Variants in PCLO observed in about 807,000 individuals in gnomAD.
PCLO encodes the protein piccolo presynaptic cytomatrix protein.
Under a neutral mutation model 427.5 loss-of-function variants are expected in PCLO, and 82 were observed. The observed-to-expected ratio is 0.19, with a 90% confidence interval of 0.16 to 0.23. The LOEUF (loss-of-function observed/expected upper bound fraction) is 0.23. Among genes scored for constraint, PCLO ranks in the 10% least tolerant of loss-of-function variants. PCLO has a pLI of 1.00. For missense variants in PCLO, 6,239 were observed against 6,115.9 expected (o/e 1.02, Z -0.67); for synonymous variants, 2,357 against 2,155.4 (o/e 1.09, Z -2.59).
At position 82,915,370 on chromosome 7, in the gene PCLO, T is replaced by C; in HGVS notation, c.12616A>G (p.Ile4206Val). 1 of 1,613,448 alleles carries C rather than the reference T, an allele frequency of 6.2e-7. No individual in the cohort carries two copies. The highest frequency in any genetic ancestry group is 1.3e-5 in the African/African-American group (1 of 75,046). Residue 4206 changes from isoleucine to valine, a missense_variant, in exon 7 of 25, where the codon ATT becomes GTT. Transcript: ENST00000333891. ...IDPKMSKFSPIQESRDLEPDY... is the reference protein window; with the variant it reads ...IDPKMSKFSPVQESRDLEPDY... ...GGTTCAAGGTCTCTACTTTCTTGAA[T>C]AGGTGAAAATTTTGACATTTTAGGG...
At chr7:82,914,495 A>G in intron 7 of PCLO, 191 bp downstream of exon 7, 1 of 662,724 alleles carries the variant, frequency 1.5e-6, no homozygotes, top group Non-Finnish European at 2.7e-6. Flanking sequence ...AGTAAAACTA[A>G]ATAAAGAAAA....
chr7:82,794,900 A>C (rs988811032), intron 22 of PCLO, among the ~76,000 whole-genome samples: 1 of 152,048 alleles, frequency 6.6e-6, no homozygotes, highest in African/African-American at 2.4e-5. Context: ...AATCTTATTT[A>C]TCATTTGCTC....
chr7:82,912,676 A>G (rs1247735543), intron 7 of PCLO, among the ~76,000 whole-genome samples: 1 of 152,070 alleles, frequency 6.6e-6, no homozygotes, highest in Non-Finnish European at 1.5e-5. Flanking sequence ...TATCAAAACA[A>G]TGTTTTTCAC....
chr7:82,767,602 A>G (rs114405299), intron 22 of PCLO, among the ~76,000 whole-genome samples: 1,726 of 152,246 alleles, frequency 0.011, 34 homozygotes, highest in African/African-American at 0.039. Context: ...ATAAAGGTAG[A>G]GAACAAAGAT....
chr7:83,067,938 G>A (rs201032184), intron 3 of PCLO, among the ~76,000 whole-genome samples: 2 of 11,282 alleles, frequency 1.8e-4, no homozygotes, highest in South Asian at 5.9e-3. Context: ...CTGAAACCAA[G>A]GTTTTGTTTA....
chr7:82,812,028 C>T (rs932565457), intron 20 of PCLO, among the ~76,000 whole-genome samples: 2 of 151,190 alleles, frequency 1.3e-5, no homozygotes, highest in African/African-American at 4.8e-5. Flanking sequence ...AAAAATATTT[C>T]CCTTAAGATA....
chr7:83,057,392 C>T lies in PCLO; in HGVS notation c.3300+76858G>A, dbSNP rs577694769. 8.1e-3 allele frequency among the ~76,000 whole-genome samples: 804 copies of T among 99,634 alleles called. 9 individuals carry two copies. Among genetic ancestry groups the T allele is most frequent in the Non-Finnish European group, 0.012 (636 of 54,356 alleles). 65.4% of individuals were successfully genotyped at this position (99,634 alleles called of 152,430 possible). A position where few individuals can be genotyped will look rare whatever the true frequency, so the allele number is the denominator to read the frequency against. On this transcript the variant is annotated intron_variant, in intron 3 of 24. Coordinates refer to ENST00000333891, the MANE Select transcript of PCLO (RefSeq NM_033026.6). ...TTTTTTTTTTTTTGAGGCAGAGTCT[C>T]GCTCTGTCACCCAGGCTGGAGTGCA...
At chr7:83,156,708 G>A (rs1243529818) in intron 1 of PCLO, among the ~76,000 whole-genome samples, 3 of 151,470 alleles carry the variant, frequency 2.0e-5, no homozygotes, top group African/African-American at 7.3e-5. Context: ...ATAGAATCTG[G>A]CCTTAAAACT....
chr7:83,035,868 C>A (rs962505019), intron 3 of PCLO, among the ~76,000 whole-genome samples: 5 of 152,096 alleles, frequency 3.3e-5, no homozygotes, highest in African/African-American at 1.2e-4. Context: ...AGTAACTCCA[C>A]AAGGTTAGCC....
intron 3 of PCLO, among the ~76,000 whole-genome samples, chr7:82,998,391 A>AAC (rs1787685911): frequency 6.7e-6 from 1 of 149,174 alleles, no homozygotes; most frequent in Admixed American, 6.8e-5. Flanking sequence ...TGTCCTTTAA[A>AAC]AACAACAACA....
chr7:82,766,360 T>A (rs1790532106), intron 22 of PCLO, among the ~76,000 whole-genome samples: 1 of 151,986 alleles, frequency 6.6e-6, no homozygotes, highest in African/African-American at 2.4e-5. Flanking sequence ...GAGTGAACAC[T>A]GACAGAAAAC....
rs775575608 is a variant in PCLO at position 83,156,235 on chromosome 7, T to G, written c.406A>C (p.Lys136Gln). The change falls in exon 2 of 25, where the codon AAA (lysine) becomes CAA (glutamine). Residue 136 changes from lysine (K) to glutamine (Q), a missense_variant. By Grantham distance (53) the Lys-to-Gln change is moderately conservative. This residue lies in a region of PCLO where 4,677 missense variants were observed against 4,468.4 expected (regional missense o/e 1.05). Coordinates refer to ENST00000333891, the MANE Select transcript of PCLO (RefSeq NM_033026.6). ...PGRSPSTISLKESKSRTDLKE... is the reference protein window; with the variant it reads ...PGRSPSTISLQESKSRTDLKE... ...AAATCAGTTCTGGACTTTGATTCTTTCAAGCTAATAGTGGAAGGACTCCTC... is the reference window on the plus strand; with the variant it reads ...AAATCAGTTCTGGACTTTGATTCTTGCAAGCTAATAGTGGAAGGACTCCTC... 6.2e-7 allele frequency: 1 copy of G among 1,613,940 alleles called. No homozygotes were observed. The highest frequency in any genetic ancestry group is 8.5e-7 in the Non-Finnish European group (1 of 1,179,860).
intron 2 of PCLO, among the ~76,000 whole-genome samples, chr7:83,143,922 G>A (rs776011267): frequency 7.9e-5 from 12 of 152,158 alleles, no homozygotes; most frequent in Non-Finnish European, 2.9e-5. Flanking sequence ...GACAGTGTTT[G>A]TGGAAGTATC....
intron 6 of PCLO, among the ~76,000 whole-genome samples, chr7:82,948,967 T>G (rs1264634327): frequency 6.6e-6 from 1 of 152,154 alleles, no homozygotes; most frequent in Non-Finnish European, 1.5e-5. Context: ...AATGAAAACA[T>G]TCTGGCTGGA....
At chr7:82,857,789 CTATAG>C (rs1447786051) in intron 10 of PCLO, among the ~76,000 whole-genome samples, 1 of 151,942 alleles carries the variant, frequency 6.6e-6, no homozygotes, top group Non-Finnish European at 1.5e-5. Flanking sequence ...TATATTCATC[CTATAG>C]TATAAGAAAA....
chr7:82,789,086 T>G (rs1791046112), intron 22 of PCLO, among the ~76,000 whole-genome samples: 1 of 151,964 alleles, frequency 6.6e-6, no homozygotes, highest in East Asian at 1.9e-4. Context: ...TATAAAAGTT[T>G]AAAATATATA....
At chr7:82,842,645 G>C (rs1792395938) in intron 13 of PCLO, among the ~76,000 whole-genome samples, 2 of 152,042 alleles carry the variant, frequency 1.3e-5, no homozygotes, top group Admixed American at 1.3e-4. Context: ...GAAAATATTT[G>C]CAAACCGTAC....
intron 3 of PCLO, among the ~76,000 whole-genome samples, chr7:82,994,914 G>C (rs1415419815): frequency 6.6e-6 from 1 of 151,920 alleles, no homozygotes; most frequent in South Asian, 2.1e-4. Context: ...GAAATGTAAA[G>C]ATTATTCTGT....
intron 3 of PCLO, among the ~76,000 whole-genome samples, chr7:83,036,019 A>G (rs886699345): frequency 6.6e-6 from 1 of 152,112 alleles, no homozygotes; most frequent in Non-Finnish European, 1.5e-5. Flanking sequence ...GTATATCTTT[A>G]TGTTTCCAAG....
Sources: gnomAD v4.1 joint callset for allele counts (sites outside exome capture counted in the v4.1 genomes callset) on GRCh38, gnomAD v4.1.1 for gene constraint, gnomAD v4.1.1 regional missense constraint, MANE v1.5 for transcripts, NCBI Gene and HGNC (gene_info 2026-07-23, HGNC 2026-07-21) for gene names.